VWA3A: variants seen among roughly 807,000 people sequenced by gnomAD.
VWA3A encodes the protein von Willebrand factor A domain-containing protein 3A.
Under a neutral mutation model 160.4 loss-of-function variants are expected in VWA3A, and 134 were observed. The observed-to-expected ratio is 0.84, with a 90% CI of 0.73 to 0.96. The LOEUF is 0.96. Ranked by LOEUF, VWA3A falls within the 40% of genes least tolerant of loss-of-function variation. The pLI, the probability that VWA3A is intolerant of heterozygous loss-of-function variation, is 0.00. For missense variants in VWA3A, 1,310 were observed against 1,447.9 expected (o/e 0.90, Z 1.55); for synonymous variants, 476 against 543.4 (o/e 0.88, Z 1.72).
At chr16:22,126,734 G>A (rs375946866) in intron 17 of VWA3A, among the ~76,000 whole-genome samples, 2 of 152,122 alleles carry the variant, frequency 1.3e-5, no homozygotes, top group Non-Finnish European at 2.9e-5. Context: ...TTGGCCAGGT[G>A]CAGTGGCTCA....
chr16:22,136,296 C>T (rs1228388054), intron 21 of VWA3A, among the ~76,000 whole-genome samples: 1 of 152,094 alleles, frequency 6.6e-6, no homozygotes, highest in East Asian at 1.9e-4. Flanking sequence ...CTGGAGCACC[C>T]AGTAGACAGT....
Position 22,150,677 on chromosome 16 carries a change from C to T in VWA3A, c.3130-18C>T, listed in dbSNP as rs1454375562. ...GAGCCTCTCCCCTGAGCCTGACAGC[C>T]TTCCTGCGTTCTTTCAGAAAGCTTT... On this transcript the variant is annotated intron_variant, in intron 29 of 33. Coordinates refer to ENST00000389398, the MANE Select transcript of VWA3A (RefSeq NM_173615.5). 1.9e-6 allele frequency: 3 copies of T among 1,598,344 alleles called. No homozygotes were observed. The highest frequency in any genetic ancestry group is 2.6e-6 in the Non-Finnish European group (3 of 1,172,058).
At chr16:22,122,281 GTGGATGGATGGA>G (rs753561947) in intron 14 of VWA3A, among the ~76,000 whole-genome samples, 4 of 146,654 alleles carry the variant, frequency 2.7e-5, no homozygotes, top group Non-Finnish European at 6.0e-5. Context: ...GGATGGATGG[GTGGATGGATGGA>G]TGGATGGATG....
intron 1 of VWA3A, 145 bp from the exon 2 acceptor site, chr16:22,096,714 C>T: frequency 1.7e-6 from 1 of 580,546 alleles, no homozygotes; most frequent in South Asian, 2.1e-5. Context: ...CACTGTACTC[C>T]AGCCTGGGCA....
At chr16:22,115,911 A>G (rs1351154723) in intron 9 of VWA3A, among the ~76,000 whole-genome samples, 25 of 33,572 alleles carry the variant, frequency 7.4e-4, no homozygotes, top group Middle Eastern at 0.014. Flanking sequence ...GGAAGGAAGG[A>G]AGGAAGGAAG....
At chr16:22,149,007 A>T (rs1270371619) in intron 28 of VWA3A, among the ~76,000 whole-genome samples, 1 of 152,178 alleles carries the variant, frequency 6.6e-6, no homozygotes, top group Non-Finnish European at 1.5e-5. Flanking sequence ...GGGGACTCTC[A>T]TCGTAGACTA....
chr16:22,144,285 G>T lies in VWA3A; in HGVS notation c.2631G>T (p.Glu877Asp). Residue 877 changes from glutamate (E) to aspartate (D), a missense_variant, in exon 26 of 34, where the codon GAG (glutamate) becomes GAT (aspartate). Glu to Asp is a conservative substitution (Grantham distance 45). Coordinates refer to ENST00000389398, the MANE Select transcript of VWA3A (RefSeq NM_173615.5). Reference protein sequence around the residue: ...AKYGLKKLKLEISRCMGPNCT... With the variant: ...AKYGLKKLKLDISRCMGPNCT... ...ATGGGCTCAAAAAATTGAAGCTGGA[G>T]ATTTCCAGATGCATGGGTCCCAACT... 6.2e-7 allele frequency: 1 copy of T among 1,613,458 alleles called. No individual in the cohort carries two copies. The highest frequency in any genetic ancestry group is 8.5e-7 in the Non-Finnish European group (1 of 1,179,786).
chr16:22,141,787 G>A, intron 24 of VWA3A, 95 bp downstream of exon 24: 2 of 1,060,392 alleles, frequency 1.9e-6, no homozygotes, highest in African/African-American at 3.2e-5. Flanking sequence ...CCCTCCTGCT[G>A]TCCCAGGACC....
intron 17 of VWA3A, among the ~76,000 whole-genome samples, chr16:22,130,637 T>C (rs2045931025): frequency 6.6e-6 from 1 of 152,130 alleles, no homozygotes; most frequent in South Asian, 2.1e-4. Context: ...GGGATCTCAC[T>C]CCATTGCCCA....
chr16:22,100,180 C>A lies in VWA3A; in HGVS notation c.226-14C>A, dbSNP rs187091073. On this transcript the variant is annotated splice_polypyrimidine_tract_variant and intron_variant, in intron 3 of 33. Transcript: ENST00000389398. ...TTTCCACTTCACGGTTTGACTCTGG[C>A]TTTTGTCTTGCAGAGGCTGCAGGGG... The A allele has an allele frequency of 9.7e-4, 1,491 of 1,534,312 alleles. 5 individuals are homozygous for A. In the Middle Eastern group the frequency reaches 0.011, roughly 11 times the overall value.
intron 5 of VWA3A, among the ~76,000 whole-genome samples, chr16:22,100,708 G>A (rs1298867403): frequency 6.6e-6 from 1 of 151,842 alleles, no homozygotes; most frequent in Non-Finnish European, 1.5e-5. Context: ...CAGTCCTGGT[G>A]GTGCATGCCT....
At chr16:22,138,297 G>A (rs1244489653) in intron 21 of VWA3A, 63 bp from the exon 22 acceptor site, 25 of 1,490,082 alleles carry the variant, frequency 1.7e-5, no homozygotes. Context: ...CCTGCTGTGT[G>A]TGTGTGTGTG....
chr16:22,149,952 C>G (rs751653394), intron 29 of VWA3A, 21 bp downstream of exon 29: 1 of 1,586,182 alleles, frequency 6.3e-7, no homozygotes, highest in Non-Finnish European at 8.6e-7. Flanking sequence ...CCACGGAGCC[C>G]GACCTTGACG....
In VWA3A at chr16:22,103,456, C is replaced by T; in HGVS notation, c.429-19C>T. On this transcript the variant is annotated intron_variant, in intron 5 of 33. Coordinates refer to ENST00000389398, the MANE Select transcript of VWA3A (RefSeq NM_173615.5). Reference sequence around the variant, plus strand: ...ATGACGCTGGCCTTGGGTGATGAGTCTTTCTGATGTCTTGACAGCACTATT... The same window carrying T: ...ATGACGCTGGCCTTGGGTGATGAGTTTTTCTGATGTCTTGACAGCACTATT... 1 of 1,551,154 alleles carries T rather than the reference C, an allele frequency of 6.4e-7. No individual in the cohort carries two copies. Among genetic ancestry groups the T allele is most frequent in the Non-Finnish European group, 8.7e-7 (1 of 1,146,694 alleles).
chr16:22,134,658 GTGTTTGTTTGTT>G (rs34781292), intron 21 of VWA3A, among the ~76,000 whole-genome samples: 7 of 151,384 alleles, frequency 4.6e-5, no homozygotes, highest in African/African-American at 7.3e-5. Context: ...GTGGCAATTG[GTGTTTGTTTGTT>G]TGTTTGTTTG....
chr16:22,102,843 G>A (rs1293019124), intron 5 of VWA3A, among the ~76,000 whole-genome samples: 1 of 152,108 alleles, frequency 6.6e-6, no homozygotes, highest in Non-Finnish European at 1.5e-5. Flanking sequence ...TCACCGGGCA[G>A]AGTGAGCACA....
intron 8 of VWA3A, 37 bp downstream of exon 8, chr16:22,111,031 GT>G: frequency 6.5e-7 from 1 of 1,536,790 alleles, no homozygotes; most frequent in South Asian, 1.2e-5. Flanking sequence ...ATGTTCACTT[GT>G]TCATTTTCCT....
chr16:22,120,988 T>C lies in VWA3A; in HGVS notation c.1137T>C (p.Asn379=). The C allele has an allele frequency of 6.2e-7, 1 of 1,613,992 alleles. No homozygotes were observed. The highest frequency in any genetic ancestry group is 8.5e-7 in the Non-Finnish European group (1 of 1,179,882). The part of the protein sequence containing the change: ...TMEEISTEIT[N]GPLISLLPKP... ...CTTAGATTTCCACAGAGATTACAAA[T>C]GGGCCACTCATAAGCCTCTTGCCTA... is the stretch of plus-strand genomic sequence containing the variant. Residue 379 remains asparagine, a synonymous_variant, in exon 13 of 34, where the codon AAT becomes AAC. Transcript: ENST00000389398.
chr16:22,134,340 C>G (rs1403315244), intron 20 of VWA3A, 28 bp from the exon 21 acceptor site: 1 of 1,575,372 alleles, frequency 6.3e-7, no homozygotes, highest in South Asian at 1.2e-5. Flanking sequence ...CCCTGTCTCA[C>G]CTTGCTCACG....
Sources: allele counts gnomAD v4.1 joint callset (sites outside exome capture counted in the v4.1 genomes callset), GRCh38; gene constraint gnomAD v4.1.1; transcripts MANE v1.5; gene names NCBI Gene and HGNC (gene_info 2026-07-23, HGNC 2026-07-21).